Variants in STPG4 observed in about 807,000 individuals in gnomAD.
The protein encoded by STPG4 is sperm-tail PG-rich repeat containing 4.
STPG4 carries 41 observed loss-of-function variants against 31.5 expected under a neutral mutation model. The observed-to-expected ratio is 1.30, with a 90% CI of 1.01 to 1.69. STPG4 has a LOEUF of 1.69. STPG4 is among the 40% of genes most tolerant of loss of function. STPG4 has a pLI of 0.00. For missense variants in STPG4, 375 were observed against 293.4 expected (o/e 1.28, Z -2.03); for synonymous variants, 141 against 103.0 (o/e 1.37, Z -2.24).
chr2:47,126,309 T>C (rs1686364327), intron 5 of STPG4, among the ~76,000 whole-genome samples: 1 of 151,954 alleles, frequency 6.6e-6, no homozygotes, highest in African/African-American at 2.4e-5. Flanking sequence ...TCTTCTTTCT[T>C]CTTTCTTCTT....
chr2:47,135,716 G>T (rs567499190), intron 3 of STPG4, among the ~76,000 whole-genome samples: 2 of 152,070 alleles, frequency 1.3e-5, no homozygotes, highest in Non-Finnish European at 2.9e-5. Flanking sequence ...ATATCCAGTT[G>T]TTCCAGCACC....
intron 6 of STPG4, among the ~76,000 whole-genome samples, chr2:47,088,022 G>T (rs1461372514): frequency 6.6e-6 from 1 of 152,072 alleles, no homozygotes; most frequent in East Asian, 1.9e-4. Context: ...TGAAGTGTTG[G>T]GATTACAGGT....
At position 47,090,354 on chromosome 2, in the gene STPG4, A is replaced by T; in HGVS notation, c.540T>A (p.Gly180=). 1 of 1,551,782 alleles carries T rather than the reference A, an allele frequency of 6.4e-7. No homozygotes were observed. The highest frequency in any genetic ancestry group is 8.7e-7 in the Non-Finnish European group (1 of 1,146,686). The change falls in exon 6 of 7, where the codon GGT becomes GGA. Residue 180 remains glycine, a synonymous_variant. Coordinates refer to ENST00000445927, the MANE Select transcript of STPG4 (RefSeq NM_001163561.2). ...YFIPHEGPGP[G]HYNVKMPPTS... ...TTGGAGGCATTTTCACATTATAATGACCTGGACCAGGGCCTTCATGCTATT... is the reference window on the plus strand; with the variant it reads ...TTGGAGGCATTTTCACATTATAATGTCCTGGACCAGGGCCTTCATGCTATT...
At chr2:47,106,022 T>A (rs1454886189) in intron 5 of STPG4, among the ~76,000 whole-genome samples, 1 of 148,514 alleles carries the variant, frequency 6.7e-6, no homozygotes, top group African/African-American at 2.5e-5. Flanking sequence ...CTGGCAGAGG[T>A]AGGGAAAGAC....
At position 47,100,062 on chromosome 2, in the gene STPG4, G is replaced by A. The variant is rs566953364; in HGVS notation, c.520-9688C>T. 1.8e-3 allele frequency among the ~76,000 whole-genome samples: 280 copies of A among 152,132 alleles called. 3 individuals are homozygous for A. The highest frequency in any genetic ancestry group is 4.4e-3 in the African/African-American group (184 of 41,434). ...AGCCCCAGCCTCCCTGATGAGTGCCGCCCCCTGCTCCAAGGTGCCCAGTCC... is the reference window on the plus strand; with the variant it reads ...AGCCCCAGCCTCCCTGATGAGTGCCACCCCCTGCTCCAAGGTGCCCAGTCC... On this transcript the variant is annotated intron_variant, in intron 5 of 6. Coordinates refer to ENST00000445927, the MANE Select transcript of STPG4 (RefSeq NM_001163561.2).
rs544626796 is a variant in STPG4 at position 47,135,613 on chromosome 2, A to T, written c.400-5353T>A. The stretch of plus-strand genomic sequence containing the variant: ...TATTGGCCAGGCTGGTCTTGAACTC[A>T]TGACCTCAAGTGATCCATCTGCCTC... On this transcript the variant is annotated intron_variant, in intron 3 of 6. Coordinates refer to ENST00000445927, the MANE Select transcript of STPG4 (RefSeq NM_001163561.2). 2.6e-5 allele frequency among the ~76,000 whole-genome samples: 4 copies of T among 152,168 alleles called. No homozygotes were observed. In the South Asian group the frequency reaches 8.3e-4, roughly 32 times the overall value.
At chr2:47,130,137 A>T (rs900891126) in intron 4 of STPG4, 59 bp downstream of exon 4, 10 of 1,520,162 alleles carry the variant, frequency 6.6e-6, no homozygotes, top group African/African-American at 4.1e-5. Flanking sequence ...AAAAGCCAGG[A>T]GTATTGGCGT....
Position 47,130,212 on chromosome 2 carries a change from G to T in STPG4, c.448C>A (p.Pro150Thr). The stretch of plus-strand genomic sequence containing the variant: ...TATAATTACCTGGAAGCATATTTGG[G>T]AACTGGTGCAGGAAGCACGTTGTAT... ...GQYNVLPAPV[P>T]KYASRSCVFR... Residue 150 changes from proline (P) to threonine (T), a missense_variant, in exon 4 of 7, where the codon CCC becomes ACC. Pro to Thr is a conservative substitution (Grantham distance 38). Coordinates refer to ENST00000445927, the MANE Select transcript of STPG4 (RefSeq NM_001163561.2). 6.2e-7 allele frequency: 1 copy of T among 1,613,936 alleles called. No individual in the cohort carries two copies. Among genetic ancestry groups the T allele is most frequent in the Non-Finnish European group, 8.5e-7 (1 of 1,179,820 alleles).
At chr2:47,118,785 C>T (rs1331669179) in intron 5 of STPG4, among the ~76,000 whole-genome samples, 1 of 152,200 alleles carries the variant, frequency 6.6e-6, no homozygotes, top group East Asian at 1.9e-4. Flanking sequence ...ATGAGACAGT[C>T]TATGTCAGTC....
chr2:47,118,305 A>G (rs1320955058), intron 5 of STPG4, among the ~76,000 whole-genome samples: 4 of 152,106 alleles, frequency 2.6e-5, no homozygotes, highest in African/African-American at 9.7e-5. Context: ...CATGCAAGGG[A>G]TCTAGGTTGT....
chr2:47,112,964 C>T (rs898569954), intron 5 of STPG4, among the ~76,000 whole-genome samples: 1 of 139,900 alleles, frequency 7.1e-6, no homozygotes. Context: ...TGCGCTCCAG[C>T]CTGGGCGACA....
intron 5 of STPG4, among the ~76,000 whole-genome samples, chr2:47,120,271 C>T (rs1259345769): frequency 1.3e-5 from 2 of 152,128 alleles, no homozygotes; most frequent in Admixed American, 6.5e-5. Flanking sequence ...GTGGAGGTTG[C>T]AGTGAGCCGA....
At chr2:47,123,408 A>G (rs945135789) in intron 5 of STPG4, among the ~76,000 whole-genome samples, 4 of 152,220 alleles carry the variant, frequency 2.6e-5, no homozygotes, top group African/African-American at 4.8e-5. Context: ...GGTGCTAGGT[A>G]TACAGGAAAG....
intron 5 of STPG4, among the ~76,000 whole-genome samples, chr2:47,120,159 C>T (rs1472172429): frequency 6.6e-6 from 1 of 152,086 alleles, no homozygotes; most frequent in Non-Finnish European, 1.5e-5. Context: ...GTTGAAACCC[C>T]TTCTCTACTA....
chr2:47,123,105 C>G (rs1355094873), intron 5 of STPG4, among the ~76,000 whole-genome samples: 2 of 152,196 alleles, frequency 1.3e-5, no homozygotes, highest in Non-Finnish European at 2.9e-5. Context: ...GGATTACAGG[C>G]GTGAGCCACT....
intron 5 of STPG4, among the ~76,000 whole-genome samples, chr2:47,095,846 A>G (rs1685659845): frequency 6.6e-6 from 1 of 152,170 alleles, no homozygotes; most frequent in South Asian, 2.1e-4. Flanking sequence ...GCAAAGGTGC[A>G]TGCAAATTCC....
At chr2:47,102,762 A>T (rs1336534937) in intron 5 of STPG4, among the ~76,000 whole-genome samples, 1 of 151,818 alleles carries the variant, frequency 6.6e-6, no homozygotes, top group Non-Finnish European at 1.5e-5. Context: ...GTCCCCTTCA[A>T]GCTGTAGGGG....
intron 5 of STPG4, among the ~76,000 whole-genome samples, chr2:47,097,297 TA>T (rs1290109510): frequency 6.6e-6 from 1 of 152,130 alleles, no homozygotes; most frequent in Non-Finnish European, 1.5e-5. Context: ...AAACTTACTT[TA>T]AAAAAATCAT....
intron 5 of STPG4, among the ~76,000 whole-genome samples, chr2:47,097,286 T>C (rs1227547066): frequency 6.6e-6 from 1 of 152,192 alleles, no homozygotes; most frequent in African/African-American, 2.4e-5. Flanking sequence ...TTGAATTTGC[T>C]AAACTTACTT....
Sources: allele counts gnomAD v4.1 joint callset (sites outside exome capture counted in the v4.1 genomes callset), GRCh38; gene constraint gnomAD v4.1.1; transcripts MANE v1.5; gene names NCBI Gene and HGNC (gene_info 2026-07-23, HGNC 2026-07-21).